The following CIAO2A variants were observed in gnomAD, a reference collection of about 807,000 sequenced individuals.
CIAO2A encodes the protein MIP18 family protein FAM96A.
Under a neutral mutation model 22.4 loss-of-function variants are expected in CIAO2A, and 17 were observed. That is an observed-to-expected ratio of 0.76 (90% CI 0.52 to 1.14). The LOEUF is 1.14. CIAO2A is among the 50% of genes most tolerant of loss of function. The pLI is 0.00. For synonymous variants in CIAO2A, 74 were observed against 72.3 expected (o/e 1.02, Z -0.12); for missense variants, 192 against 191.4 (o/e 1.00, Z -0.02).
intron 1 of CIAO2A, among the ~76,000 whole-genome samples, chr15:64,091,497 A>G (rs945626731): frequency 1.3e-5 from 2 of 151,828 alleles, no homozygotes; most frequent in Admixed American, 1.3e-4. Flanking sequence ...AAAAAAAAAA[A>G]AAGAAAGAAA....
intron 2 of CIAO2A, among the ~76,000 whole-genome samples, chr15:64,084,542 G>A (rs1459004283): frequency 1.3e-5 from 2 of 152,156 alleles, no homozygotes; most frequent in African/African-American, 4.8e-5. Flanking sequence ...GGCCAAGGCA[G>A]GCGGATCACC....
intron 2 of CIAO2A, among the ~76,000 whole-genome samples, chr15:64,086,805 G>C (rs946562812): frequency 6.7e-6 from 1 of 150,066 alleles, no homozygotes; most frequent in South Asian, 2.1e-4. Flanking sequence ...GTAGAGATGG[G>C]GTTTCACCAT....
At chr15:64,083,856 T>A (rs1294580283) in intron 2 of CIAO2A, among the ~76,000 whole-genome samples, 1 of 151,820 alleles carries the variant, frequency 6.6e-6, no homozygotes, top group Non-Finnish European at 1.5e-5. Flanking sequence ...GGCACGAGAA[T>A]CGCTTGAACC....
At chr15:64,075,456 A>C (rs780831314) in intron 4 of CIAO2A, 36 bp downstream of exon 4, 2 of 1,368,752 alleles carry the variant, frequency 1.5e-6, no homozygotes, top group Non-Finnish European at 2.0e-6. Flanking sequence ...ATACTATCTG[A>C]AGTTGTTTTT....
intron 3 of CIAO2A, among the ~76,000 whole-genome samples, chr15:64,076,302 A>C (rs761281378): frequency 6.6e-6 from 1 of 152,106 alleles, no homozygotes; most frequent in Non-Finnish European, 1.5e-5. Flanking sequence ...ACATAATCTT[A>C]CACAGATTTT....
intron 3 of CIAO2A, among the ~76,000 whole-genome samples, chr15:64,079,520 T>C (rs2080745203): frequency 6.6e-6 from 1 of 152,174 alleles, no homozygotes; most frequent in South Asian, 2.1e-4. Flanking sequence ...AGCAAGACCC[T>C]GTCTCAACAG....
At chr15:64,089,893 T>G (rs1474064778) in intron 1 of CIAO2A, among the ~76,000 whole-genome samples, 1 of 152,134 alleles carries the variant, frequency 6.6e-6, no homozygotes, top group Non-Finnish European at 1.5e-5. Flanking sequence ...GATTTTGAGG[T>G]GCTTAAGGGG....
At chr15:64,076,787 C>T (rs1218311819) in intron 3 of CIAO2A, among the ~76,000 whole-genome samples, 7 of 147,722 alleles carry the variant, frequency 4.7e-5, no homozygotes, top group Admixed American at 3.4e-4. Context: ...TGCAGTGGCG[C>T]GATCATGTCT....
chr15:64,075,707 G>A (rs1439822886), intron 3 of CIAO2A, among the ~76,000 whole-genome samples, 170 bp from the exon 4 acceptor site: 2 of 150,672 alleles, frequency 1.3e-5, no homozygotes, highest in South Asian at 2.1e-4. Flanking sequence ...CTGGAGTGCA[G>A]TGGCATGATC....
At chr15:64,086,543 G>A (rs1419112540) in intron 2 of CIAO2A, among the ~76,000 whole-genome samples, 4 of 151,778 alleles carry the variant, frequency 2.6e-5, no homozygotes, top group Non-Finnish European at 5.9e-5. Flanking sequence ...GTATCTGTTC[G>A]TTCACAAATT....
intron 2 of CIAO2A, among the ~76,000 whole-genome samples, chr15:64,082,995 A>G (rs895986586): frequency 1.3e-5 from 2 of 151,886 alleles, no homozygotes; most frequent in African/African-American, 2.4e-5. Context: ...TGAGCCCAGG[A>G]GTTCAAGACC....
At chr15:64,078,623 G>A (rs12591860) in intron 3 of CIAO2A, among the ~76,000 whole-genome samples, 77,319 of 142,924 alleles carry the variant, frequency 0.54, 25,546 homozygotes, top group East Asian at 0.8. Context: ...GCGACAGAGC[G>A]AGATTCCATC....
Position 64,093,659 on chromosome 15 carries a change from G to A in CIAO2A, c.110C>T (p.Ala37Val), listed in dbSNP as rs1395218698. The change falls in exon 1 of 5, where the codon GCG (alanine) becomes GTG (valine). Residue 37 changes from alanine (A) to valine (V), a missense_variant. Transcript: ENST00000300030. ...AAATTAATTACCATAAACTTCTAGC[G>A]CTTTCTCTTCCATGATCCGGGGCTG... Reference protein sequence around the residue: ...ARQPRIMEEKALEVYDLIRTI... With the variant: ...ARQPRIMEEKVLEVYDLIRTI... 8.1e-6 allele frequency: 13 copies of A among 1,613,786 alleles called. No homozygotes were observed. The highest frequency in any genetic ancestry group is 1.1e-5 in the Non-Finnish European group (13 of 1,179,874).
chr15:64,079,954 T>C (rs981744617), intron 3 of CIAO2A, among the ~76,000 whole-genome samples: 6 of 152,234 alleles, frequency 3.9e-5, no homozygotes, highest in Non-Finnish European at 7.3e-5. Context: ...AGAACTCTTA[T>C]AATTCAATAA....
chr15:64,075,606 T>C (rs2080711528), intron 3 of CIAO2A, 69 bp from the exon 4 acceptor site: 2 of 992,292 alleles, frequency 2.0e-6, no homozygotes, highest in Admixed American at 4.8e-5. Flanking sequence ...TGAAGTGGAA[T>C]GTACAGTAAA....
chr15:64,075,546 T>C lies in CIAO2A; in HGVS notation c.340-9A>G, dbSNP rs332233. ...GAAATGTAGATTTCCAACTGGAAAG[T>C]GGGAAAAAAAGTAAAAGAAAAAACA... On this transcript the variant is annotated splice_polypyrimidine_tract_variant and intron_variant, in intron 3 of 4. Coordinates refer to ENST00000300030, the MANE Select transcript of CIAO2A (RefSeq NM_032231.7). The C allele has an allele frequency of 0.24, 374,880 of 1,552,228 alleles. 55,351 individuals carry two copies. The highest frequency in any genetic ancestry group is 0.57 in the South Asian group (48,751 of 85,346).
At chr15:64,089,203 T>C (rs968307297) in intron 1 of CIAO2A, among the ~76,000 whole-genome samples, 10 of 152,110 alleles carry the variant, frequency 6.6e-5, no homozygotes, top group African/African-American at 2.2e-4. Context: ...GAAAAATAGG[T>C]AACATTTCAA....
intron 2 of CIAO2A, among the ~76,000 whole-genome samples, chr15:64,083,910 T>C (rs2080774974): frequency 6.6e-6 from 1 of 151,560 alleles, no homozygotes; most frequent in Non-Finnish European, 1.5e-5. Context: ...ACCACTGCTT[T>C]CCAACCTGGG....
intron 3 of CIAO2A, among the ~76,000 whole-genome samples, chr15:64,080,788 C>T (rs2080754139): frequency 6.6e-6 from 1 of 152,178 alleles, no homozygotes; most frequent in African/African-American, 2.4e-5. Context: ...CAGAATGGTG[C>T]AGCCACTGTG....
Sources: gnomAD v4.1 joint callset for allele counts (sites outside exome capture counted in the v4.1 genomes callset) on GRCh38, gnomAD v4.1.1 for gene constraint, MANE v1.5 for transcripts, NCBI Gene and HGNC (gene_info 2026-07-23, HGNC 2026-07-21) for gene names.